Variants in IPO11 observed in about 807,000 individuals in gnomAD.
IPO11 encodes importin 11, also known as importin-11.
Under a neutral mutation model 143.2 loss-of-function variants are expected in IPO11, and 66 were observed. The observed-to-expected ratio is 0.46, with a 90% CI of 0.38 to 0.57. The LOEUF is 0.57. IPO11 is among the 20% of genes least tolerant of loss of function. The pLI is 0.00. For missense variants in IPO11, 1,026 were observed against 1,141.0 expected (o/e 0.90, Z 1.45); for synonymous variants, 385 against 377.8 (o/e 1.02, Z -0.22).
chr5:62,480,309 C>G (rs186462724), intron 9 of IPO11, among the ~76,000 whole-genome samples: 27 of 152,170 alleles, frequency 1.8e-4, no homozygotes, highest in South Asian at 1.2e-3. Flanking sequence ...TCTCTGTTTT[C>G]GTACCAGTAC....
At chr5:62,460,969 A>G (rs924530896) in intron 5 of IPO11, among the ~76,000 whole-genome samples, 1 of 152,186 alleles carries the variant, frequency 6.6e-6, no homozygotes, top group African/African-American at 2.4e-5. Context: ...TTAGTTGGCA[A>G]TGGTTACTTC....
intron 26 of IPO11, among the ~76,000 whole-genome samples, chr5:62,553,323 A>AGAGTGT (rs1257979144): frequency 8.4e-6 from 1 of 119,180 alleles, no homozygotes; most frequent in Admixed American, 8.6e-5. Context: ...TATTCGTGTG[A>AGAGTGT]GTGTGTGTGT....
At chr5:62,503,282 C>G (rs1341958955) in intron 16 of IPO11, among the ~76,000 whole-genome samples, 1 of 149,808 alleles carries the variant, frequency 6.7e-6, no homozygotes, top group African/African-American at 2.5e-5. Context: ...TTAATGTTTT[C>G]AAGTTAGCCA....
intron 5 of IPO11, among the ~76,000 whole-genome samples, chr5:62,461,464 C>G (rs1051464553): frequency 6.6e-6 from 1 of 152,102 alleles, no homozygotes; most frequent in Non-Finnish European, 1.5e-5. Context: ...AAAGTAGAAG[C>G]CTAGTTAGGA....
intron 16 of IPO11, among the ~76,000 whole-genome samples, chr5:62,502,798 T>C (rs10077586): frequency 0.43 from 65,398 of 150,880 alleles, 14,768 homozygotes; most frequent in South Asian, 0.52. Flanking sequence ...TTTTCTTTTC[T>C]TTTCCTTTCC....
chr5:62,444,282 C>T (rs1322633528), intron 3 of IPO11, among the ~76,000 whole-genome samples: 2 of 151,864 alleles, frequency 1.3e-5, no homozygotes, highest in Admixed American at 1.3e-4. Flanking sequence ...TTAGTAGAGC[C>T]AGGGTTTCAC....
In IPO11 at chr5:62,476,721, C is replaced by T; in HGVS notation, c.796C>T (p.Leu266=). The change falls in exon 9 of 30, where the codon CTG becomes TTG. Residue 266 remains leucine (L), a synonymous_variant. Coordinates refer to ENST00000325324, the MANE Select transcript of IPO11 (RefSeq NM_016338.5). ...TACAGATAATGTGTGTAGAGATAGA[C>T]TGGAAAAGACCATCATTCTTTTTAC... The part of the protein sequence containing the change: ...IGTDNVCRDR[L]EKTIILFTKV... The T allele has an allele frequency of 6.6e-7, 1 of 1,517,688 alleles. No homozygotes were observed. The highest frequency in any genetic ancestry group is 2.3e-5 in the Admixed American group (1 of 44,382). 94.0% of individuals were successfully genotyped at this position (1,517,688 alleles called of 1,614,324 possible).
At position 62,526,180 on chromosome 5, in the gene IPO11, G is replaced by C. The variant is rs765304087; in HGVS notation, c.1935G>C (p.Leu645=). The change falls in exon 21 of 30, where the codon CTG becomes CTC. Residue 645 remains leucine, a synonymous_variant. Coordinates refer to ENST00000325324, the MANE Select transcript of IPO11 (RefSeq NM_016338.5). ...ACAGCAAGAACCTGTACCCTTTCCT[G>C]CTCCCAGTTATTCAACTGAGTACAG... ...GADSKNLYPF[L]LPVIQLSTDV... 6.2e-7 allele frequency: 1 copy of C among 1,613,538 alleles called. No individual in the cohort carries two copies. Among genetic ancestry groups the C allele is most frequent in the Non-Finnish European group, 8.5e-7 (1 of 1,179,654 alleles).
At chr5:62,514,758 T>C (rs1013516482) in intron 19 of IPO11, among the ~76,000 whole-genome samples, 1 of 152,384 alleles carries the variant, frequency 6.6e-6, no homozygotes, top group East Asian at 1.9e-4. Flanking sequence ...ATCCATTTTA[T>C]TTTTCAAGAA....
At chr5:62,591,528 A>G in intron 27 of IPO11, 49 bp from the exon 28 acceptor site, 1 of 1,068,500 alleles carries the variant, frequency 9.4e-7, no homozygotes, top group Non-Finnish European at 1.4e-6. Context: ...AAACAAAAAG[A>G]ATTAATCTAG....
intron 9 of IPO11, among the ~76,000 whole-genome samples, chr5:62,481,134 G>C (rs1372381436): frequency 6.6e-6 from 1 of 151,856 alleles, no homozygotes; most frequent in Non-Finnish European, 1.5e-5. Context: ...TAGCCAGGAT[G>C]GTCTCGATCT....
At chr5:62,570,853 A>C (rs1409374885) in intron 27 of IPO11, among the ~76,000 whole-genome samples, 5 of 152,250 alleles carry the variant, frequency 3.3e-5, no homozygotes, top group Admixed American at 3.3e-4. Flanking sequence ...ATATCACCTA[A>C]GAAAAACTAA....
At chr5:62,471,047 T>A (rs1745755611) in intron 7 of IPO11, among the ~76,000 whole-genome samples, 1 of 151,784 alleles carries the variant, frequency 6.6e-6, no homozygotes, top group Non-Finnish European at 1.5e-5. Flanking sequence ...AGGCTGGTCT[T>A]GAACTCCTGG....
At chr5:62,514,530 G>A (rs1277012553) in intron 19 of IPO11, among the ~76,000 whole-genome samples, 1 of 151,252 alleles carries the variant, frequency 6.6e-6, no homozygotes, top group Non-Finnish European at 1.5e-5. Flanking sequence ...GCAGAGAGCC[G>A]AGATGGCAGC....
intron 26 of IPO11, among the ~76,000 whole-genome samples, chr5:62,553,337 T>A (rs1293519103): frequency 5.5e-5 from 6 of 110,000 alleles, no homozygotes; most frequent in African/African-American, 2.2e-4. Flanking sequence ...TGTGTGTGTG[T>A]GTGTGTGTGT....
intron 26 of IPO11, chr5:62,560,905 A>G (rs1391326754): frequency 3.0e-6 from 1 of 330,850 alleles, no homozygotes; most frequent in Non-Finnish European, 5.5e-6. Context: ...GGCTACATAC[A>G]TGTTTTGAAT....
Position 62,515,445 on chromosome 5 carries a change from G to A in IPO11, c.1840G>A (p.Glu614Lys). 6.2e-7 allele frequency: 1 copy of A among 1,611,470 alleles called. No homozygotes were observed. Among genetic ancestry groups the A allele is most frequent in the South Asian group, 1.1e-5 (1 of 90,522 alleles). ...QYLPLLWKQS[E>K]EHNMLRCAIL... ...TTTGCCCCTCCTTTGGAAGCAGAGT[G>A]AAGAACACAATATGTTGAGATGTGC... The change falls in exon 20 of 30, where the codon GAA becomes AAA. Residue 614 changes from glutamate to lysine, a missense_variant. Physicochemically the swap from Glu to Lys is moderately conservative, Grantham distance 56. Coordinates refer to ENST00000325324, the MANE Select transcript of IPO11 (RefSeq NM_016338.5).
chr5:62,446,208 A>G (rs1744713548), intron 3 of IPO11, among the ~76,000 whole-genome samples: 2 of 152,246 alleles, frequency 1.3e-5, no homozygotes, highest in African/African-American at 4.8e-5. Flanking sequence ...CAGTACACAA[A>G]TGAAGGGTGT....
At chr5:62,549,162 C>G (rs1421324516) in intron 24 of IPO11, among the ~76,000 whole-genome samples, 1 of 151,692 alleles carries the variant, frequency 6.6e-6, no homozygotes, top group Non-Finnish European at 1.5e-5. Context: ...ATTTTATCTC[C>G]TCTTGCTTTT....
Sources: allele counts gnomAD v4.1 joint callset (sites outside exome capture counted in the v4.1 genomes callset), GRCh38; gene constraint gnomAD v4.1.1; transcripts MANE v1.5; gene names NCBI Gene and HGNC (gene_info 2026-07-23, HGNC 2026-07-21).